ABCB4: variants seen among roughly 807,000 people sequenced by gnomAD.
The protein encoded by ABCB4 is phosphatidylcholine translocator ABCB4.
A neutral mutation model predicts 145.7 loss-of-function variants in ABCB4; 76 were observed. That is an observed-to-expected ratio of 0.52 (90% CI 0.43 to 0.63). The LOEUF is 0.63. Among genes scored for constraint, ABCB4 ranks in the 30% least tolerant of loss-of-function variants. The pLI, the probability that ABCB4 is intolerant of heterozygous loss-of-function variation, is 0.00. For synonymous variants in ABCB4, 517 were observed against 566.8 expected (o/e 0.91, Z 1.25); for missense variants, 1,234 against 1,553.1 (o/e 0.79, Z 3.45).
At chr7:87,467,535 C>A (rs945064646) in intron 3 of ABCB4, among the ~76,000 whole-genome samples, 1 of 152,142 alleles carries the variant, frequency 6.6e-6, no homozygotes, top group Non-Finnish European at 1.5e-5. Context: ...CAGCTCTGCA[C>A]CAAGTGGACC....
At position 87,440,511 on chromosome 7, in the gene ABCB4, A is replaced by G. The variant is rs554637288; in HGVS notation, c.1357-109T>C. ...TAATATTTAACTTGGTTCAGTGTTT[A>G]GAAATAATAATTAGAAATAAACAGC... is the stretch of plus-strand genomic sequence containing the variant. On this transcript the variant is annotated intron_variant, in intron 12 of 27. Transcript: ENST00000649586. 38 of 907,982 alleles carry G rather than the reference A, an allele frequency of 4.2e-5. 1 individual carries two copies. The highest frequency in any genetic ancestry group is 2.4e-4 in the Middle Eastern group (1 of 4,198). The allele number at this position is 907,982 out of a possible 1,614,324, so 56.2% of individuals were successfully genotyped here.
rs1811864220 is a variant in ABCB4, at chr7:87,453,101, C to T, written c.379G>A (p.Val127Ile). The T allele has an allele frequency of 6.2e-7, 1 of 1,614,070 alleles. No individual in the cohort carries two copies. The highest frequency in any genetic ancestry group is 8.5e-7 in the Non-Finnish European group (1 of 1,179,998). Residue 127 changes from valine (V) to isoleucine (I), a missense_variant, in exon 6 of 28, where the codon GTT becomes ATT. Physicochemically the swap from Val to Ile is conservative, Grantham distance 29 (BLOSUM62 3). Transcript: ENST00000649586. Reference protein sequence around the residue: ...AYYYSGLGAGVLVAAYIQVSF... With the variant: ...AYYYSGLGAGILVAAYIQVSF... The stretch of plus-strand genomic sequence containing the variant: ...ACTTGTATATAGGCAGCAACAAGAA[C>T]TCCAGCACCCAATCCTGAGTAGTAA...
At chr7:87,432,813 A>G (rs1810336219) in intron 14 of ABCB4, among the ~76,000 whole-genome samples, 1 of 152,194 alleles carries the variant, frequency 6.6e-6, no homozygotes, top group African/African-American at 2.4e-5. Context: ...CCTTGTGAAT[A>G]TTCTAAAAAC....
At chr7:87,404,503 G>C (rs1181982621) in intron 26 of ABCB4, among the ~76,000 whole-genome samples, 1 of 152,274 alleles carries the variant, frequency 6.6e-6, no homozygotes, top group South Asian at 2.1e-4. Flanking sequence ...ATAAAAGGAA[G>C]AATTGGTAAA....
In ABCB4 at chr7:87,440,297, C is replaced by G. The variant is rs368361252; in HGVS notation, c.1462G>C (p.Glu488Gln). ...TTTCCACGGCCATAACAAATATTTT[C>G]AGCAATTGTGGTGGAAAACAGCACC... ...EPVLFSTTIA[E>Q]NICYGRGNVT... The change falls in exon 13 of 28, where the codon GAA becomes CAA. Residue 488 changes from glutamate to glutamine, a missense_variant. Glu to Gln is a conservative substitution (Grantham distance 29). Transcript: ENST00000649586. 3 of 1,614,026 alleles carry G rather than the reference C, an allele frequency of 1.9e-6. No individual in the cohort carries two copies. Among genetic ancestry groups the G allele is most frequent in the Non-Finnish European group, 2.5e-6 (3 of 1,180,028 alleles).
At chr7:87,370,209 A>T in the ABCB4 span, among the ~76,000 whole-genome samples, 1 of 152,180 alleles carries the variant, frequency 6.6e-6, no homozygotes, top group Non-Finnish European at 1.5e-5. Flanking sequence ...TTTGAGACAG[A>T]GTCTTGCTTT....
At chr7:87,388,058 C>T in the ABCB4 span, among the ~76,000 whole-genome samples, 5 of 152,094 alleles carry the variant, frequency 3.3e-5, no homozygotes, top group African/African-American at 1.2e-4. Flanking sequence ...TGATACCTTC[C>T]AGGTCCCTAG....
chr7:87,426,677 C>A, intron 16 of ABCB4, 73 bp downstream of exon 16: 10 of 1,497,418 alleles, frequency 6.7e-6, no homozygotes, highest in Non-Finnish European at 9.3e-6. Flanking sequence ...AAAATATTTG[C>A]AAGGCTAAGA....
intron 6 of ABCB4, among the ~76,000 whole-genome samples, chr7:87,452,025 A>G (rs1228693357): frequency 6.6e-6 from 1 of 152,242 alleles, no homozygotes; most frequent in Non-Finnish European, 1.5e-5. Flanking sequence ...ATACTATTAA[A>G]TGAGTCAATC....
chr7:87,396,689 G>T, the ABCB4 span, among the ~76,000 whole-genome samples: 1 of 38,168 alleles, frequency 2.6e-5, no homozygotes, highest in African/African-American at 7.6e-5. Flanking sequence ...CATGCTGATT[G>T]TAAAAAAAAA....
intron 26 of ABCB4, among the ~76,000 whole-genome samples, chr7:87,404,097 T>G (rs1289091195): frequency 1.3e-5 from 2 of 152,194 alleles, no homozygotes; most frequent in African/African-American, 2.4e-5. Context: ...ATTTTTCTAT[T>G]CACAGTCAAA....
chr7:87,400,603 G>C (rs528373055), downstream of ABCB4, among the ~76,000 whole-genome samples: 4 of 152,274 alleles, frequency 2.6e-5, no homozygotes, highest in Admixed American at 2.6e-4. Context: ...AAACTAGATA[G>C]CGAGGACATT....
Position 87,418,519 on chromosome 7 carries a change from A to G in ABCB4, c.2478+18T>C. The G allele has an allele frequency of 1.9e-6, 3 of 1,610,938 alleles. No homozygotes were observed. Among genetic ancestry groups the G allele is most frequent in the South Asian group, 1.1e-5 (1 of 91,028 alleles). ...CCATGTTATGTAAAAAACTACAAGTAGAGTGCAGTCTACCTACTCCTTGGA... is the reference window on the plus strand; with the variant it reads ...CCATGTTATGTAAAAAACTACAAGTGGAGTGCAGTCTACCTACTCCTTGGA... On this transcript the variant is annotated intron_variant, in intron 20 of 27. Coordinates refer to ENST00000649586, the MANE Select transcript of ABCB4 (RefSeq NM_000443.4).
chr7:87,469,949 T>G (rs113656645), intron 3 of ABCB4, among the ~76,000 whole-genome samples: 1 of 152,146 alleles, frequency 6.6e-6, no homozygotes, highest in Non-Finnish European at 1.5e-5. Context: ...GGAGGCATCA[T>G]GCTACCTGAC....
rs747255117 is a variant in ABCB4, at chr7:87,426,759, G to T, written c.2055C>A (p.Thr685=). 1 of 1,613,754 alleles carries T rather than the reference G, an allele frequency of 6.2e-7. No individual in the cohort carries two copies. The highest frequency in any genetic ancestry group is 1.1e-5 in the South Asian group (1 of 91,070). The stretch of plus-strand genomic sequence containing the variant: ...GTGAAAAACAACTTACAAGTCCATC[G>T]GTTTCCACATCAAGGCTCTTCTGAC... ...QMCQKSLDVE[T]DGLEANVPPV... Residue 685 remains threonine (T), a synonymous_variant, in exon 16 of 28, where the codon ACC becomes ACA. Coordinates refer to ENST00000649586, the MANE Select transcript of ABCB4 (RefSeq NM_000443.4).
chr7:87,390,542 G>C, the ABCB4 span, among the ~76,000 whole-genome samples: 4 of 152,166 alleles, frequency 2.6e-5, no homozygotes, highest in Non-Finnish European at 4.4e-5. Context: ...GAACAGAAGA[G>C]GCTTGAAAAC....
the ABCB4 span, among the ~76,000 whole-genome samples, chr7:87,369,891 T>A: frequency 1.4e-5 from 2 of 141,838 alleles, no homozygotes; most frequent in Admixed American, 1.4e-4. Flanking sequence ...GTATATGTTT[T>A]AAAGTATATT....
intron 2 of ABCB4, among the ~76,000 whole-genome samples, chr7:87,472,910 C>T (rs752379387): frequency 1.3e-5 from 2 of 152,118 alleles, no homozygotes; most frequent in African/African-American, 2.4e-5. Context: ...TTACAGAGCT[C>T]ACATACACAG....
At chr7:87,397,237 G>A (rs1807559383), downstream of ABCB4, among the ~76,000 whole-genome samples, 1 of 151,850 alleles carries the variant, frequency 6.6e-6, no homozygotes, top group African/African-American at 2.4e-5. Context: ...TGTAGTCTGA[G>A]TTACTTGGGA....
Sources: gnomAD v4.1 joint callset for allele counts (sites outside exome capture counted in the v4.1 genomes callset) on GRCh38, gnomAD v4.1.1 for gene constraint, MANE v1.5 for transcripts, NCBI Gene and HGNC (gene_info 2026-07-23, HGNC 2026-07-21) for gene names.